The following ZNF804B variants were observed in gnomAD, a reference collection of about 807,000 sequenced individuals.
The protein encoded by ZNF804B is zinc finger protein 804B, also known as zinc finger 804B.
ZNF804B carries 80 observed loss-of-function variants against 101.4 expected under a neutral mutation model. That is an observed-to-expected ratio of 0.79 (90% CI 0.66 to 0.95). The LOEUF (loss-of-function observed/expected upper bound fraction) is 0.95. ZNF804B is among the 40% of genes least tolerant of loss of function. ZNF804B has a pLI of 0.00. For synonymous variants in ZNF804B, 622 were observed against 558.8 expected (o/e 1.11, Z -1.59); for missense variants, 1,673 against 1,561.9 (o/e 1.07, Z -1.20).
intron 1 of ZNF804B, among the ~76,000 whole-genome samples, chr7:89,128,668 G>T (rs1259463654): frequency 4.0e-5 from 6 of 151,668 alleles, no homozygotes. Context: ...ATGTTAATTT[G>T]CTCATATTTT....
At chr7:89,195,809 A>T (rs891549373) in intron 1 of ZNF804B, among the ~76,000 whole-genome samples, 2 of 151,674 alleles carry the variant, frequency 1.3e-5, no homozygotes, top group African/African-American at 4.8e-5. Flanking sequence ...ACAATTGCTT[A>T]AAAAAAAGAA....
chr7:88,893,103 G>A (rs1792236561), intron 1 of ZNF804B, among the ~76,000 whole-genome samples: 1 of 152,034 alleles, frequency 6.6e-6, no homozygotes, highest in Admixed American at 6.6e-5. Flanking sequence ...TATCCCTCAA[G>A]CACTTTGGTC....
intron 1 of ZNF804B, among the ~76,000 whole-genome samples, chr7:88,805,000 A>AT (rs1790663065): frequency 6.6e-6 from 1 of 152,162 alleles, no homozygotes; most frequent in South Asian, 2.1e-4. Flanking sequence ...ACACTAGAGT[A>AT]TTTTTTAATA....
intron 1 of ZNF804B, among the ~76,000 whole-genome samples, chr7:89,011,432 A>T (rs181846573): frequency 2.6e-5 from 4 of 152,302 alleles, no homozygotes; most frequent in Admixed American, 2.6e-4. Flanking sequence ...TTATTCCAGC[A>T]TTAACCCAAA....
intron 1 of ZNF804B, among the ~76,000 whole-genome samples, chr7:88,946,539 T>C (rs567261166): frequency 2.5e-4 from 35 of 141,708 alleles, no homozygotes; most frequent in African/African-American, 9.1e-4. Flanking sequence ...ATCAGGGATA[T>C]TGGGCTGAAA....
chr7:89,115,678 T>G (rs1790299863), intron 1 of ZNF804B, among the ~76,000 whole-genome samples: 1 of 152,216 alleles, frequency 6.6e-6, no homozygotes, highest in Admixed American at 6.5e-5. Flanking sequence ...CCTTGAAAAC[T>G]GCTCTTATAG....
At chr7:89,123,001 C>T (rs575240089) in intron 1 of ZNF804B, among the ~76,000 whole-genome samples, 10 of 152,158 alleles carry the variant, frequency 6.6e-5, no homozygotes, top group African/African-American at 9.6e-5. Flanking sequence ...CATCCCTGAC[C>T]GAACCCTATG....
chr7:89,240,957 A>C (rs1014915468), intron 2 of ZNF804B, among the ~76,000 whole-genome samples: 1 of 152,028 alleles, frequency 6.6e-6, no homozygotes, highest in African/African-American at 2.4e-5. Context: ...TTTAATTGCT[A>C]TTCCAAACTC....
intron 1 of ZNF804B, among the ~76,000 whole-genome samples, chr7:89,140,061 G>A (rs1790693493): frequency 1.3e-5 from 2 of 152,034 alleles, no homozygotes; most frequent in African/African-American, 4.8e-5. Flanking sequence ...GTTTGTGTTA[G>A]TGGGCATCAA....
At chr7:89,175,160 T>C (rs1791299486) in intron 1 of ZNF804B, among the ~76,000 whole-genome samples, 1 of 152,088 alleles carries the variant, frequency 6.6e-6, no homozygotes, top group Non-Finnish European at 1.5e-5. Flanking sequence ...CCCAGACTAA[T>C]GACCTGGAGA....
intron 1 of ZNF804B, among the ~76,000 whole-genome samples, chr7:89,010,362 T>C (rs1584070287): frequency 6.6e-6 from 1 of 152,122 alleles, no homozygotes. Flanking sequence ...GTCAACAAAA[T>C]GATATAAAGT....
At chr7:89,113,526 C>T (rs1228291043) in intron 1 of ZNF804B, among the ~76,000 whole-genome samples, 1 of 152,034 alleles carries the variant, frequency 6.6e-6, no homozygotes, top group Non-Finnish European at 1.5e-5. Context: ...GATAAAAGGA[C>T]TAGGGAGGGT....
chr7:89,224,755 AGTGTGTGT>A (rs5885668), intron 2 of ZNF804B, among the ~76,000 whole-genome samples: 1 of 143,032 alleles, frequency 7.0e-6, no homozygotes, highest in African/African-American at 2.6e-5. Flanking sequence ...TGTGTGTATG[AGTGTGTGT>A]GTGTGTGTAT....
At chr7:88,989,377 T>A (rs1018842634) in intron 1 of ZNF804B, among the ~76,000 whole-genome samples, 1 of 152,170 alleles carries the variant, frequency 6.6e-6, no homozygotes, top group Non-Finnish European at 1.5e-5. Flanking sequence ...TCAGTCTTTA[T>A]TCCTATAAGA....
intron 1 of ZNF804B, among the ~76,000 whole-genome samples, chr7:88,973,326 G>C (rs996531687): frequency 8.6e-5 from 13 of 151,208 alleles, no homozygotes; most frequent in African/African-American, 3.1e-4. Context: ...GCTTACTTCA[G>C]AGCTTGTAAG....
rs559468250 is a variant in ZNF804B, at chr7:89,202,947, G to C, written c.109-15208G>C. 9.2e-5 allele frequency among the ~76,000 whole-genome samples: 14 copies of C among 152,160 alleles called. No homozygotes were observed. The East Asian group carries it at 2.5e-3, about 27-fold the overall frequency. On this transcript the variant is annotated intron_variant, in intron 1 of 3. Coordinates refer to ENST00000333190, the MANE Select transcript of ZNF804B (RefSeq NM_181646.5). ...AGCTACAATAGACGTATTGTAGCTAGACGTATTCTAGACGTATTGTAGCTA... is the reference window on the plus strand; with the variant it reads ...AGCTACAATAGACGTATTGTAGCTACACGTATTCTAGACGTATTGTAGCTA...
At chr7:88,907,476 A>G (rs1792490531) in intron 1 of ZNF804B, among the ~76,000 whole-genome samples, 1 of 152,056 alleles carries the variant, frequency 6.6e-6, no homozygotes. Flanking sequence ...TACTGCTACT[A>G]AGGAGAACAA....
intron 1 of ZNF804B, among the ~76,000 whole-genome samples, chr7:89,108,210 A>G (rs555436781): frequency 1.4e-5 from 2 of 143,362 alleles, no homozygotes; most frequent in African/African-American, 2.7e-5. Flanking sequence ...TTATGAAGTT[A>G]TATAATTAGC....
chr7:89,030,977 G>C (rs975983236), intron 1 of ZNF804B, among the ~76,000 whole-genome samples: 1 of 151,606 alleles, frequency 6.6e-6, no homozygotes. Flanking sequence ...AGCAAATGCT[G>C]GTTTTCCCTT....
Sources: gnomAD v4.1 joint callset for allele counts (sites outside exome capture counted in the v4.1 genomes callset) on GRCh38, gnomAD v4.1.1 for gene constraint, MANE v1.5 for transcripts, NCBI Gene and HGNC (gene_info 2026-07-23, HGNC 2026-07-21) for gene names.